Variants in PSME4 observed in about 807,000 individuals in gnomAD.
PSME4 encodes proteasome activator complex subunit 4.
Under a neutral mutation model 253.9 loss-of-function variants are expected in PSME4, and 89 were observed. The ratio of observed to expected loss-of-function variants is 0.35; its 90% CI spans 0.30 to 0.42. The LOEUF is 0.42. Ranked by LOEUF, PSME4 falls within the 10% of genes least tolerant of loss-of-function variation. PSME4 has a pLI of 1.00. For missense variants in PSME4, 2,014 were observed against 2,195.2 expected (o/e 0.92, Z 1.65); for synonymous variants, 851 against 759.2 (o/e 1.12, Z -1.99).
intron 46 of PSME4, 130 bp from the exon 47 acceptor site, chr2:53,865,703 T>C (rs1678532715): frequency 6.0e-6 from 1 of 167,770 alleles, no homozygotes; most frequent in Non-Finnish European, 1.3e-5. Flanking sequence ...ACAGAATGGG[T>C]GTAAGAATCC....
intron 20 of PSME4, among the ~76,000 whole-genome samples, chr2:53,911,445 T>C (rs1235971278): frequency 6.6e-6 from 1 of 152,226 alleles, no homozygotes; most frequent in African/African-American, 2.4e-5. Flanking sequence ...ATCAAAAATA[T>C]GTATGTATCC....
chr2:53,910,643 G>A (rs1225095845), intron 20 of PSME4, among the ~76,000 whole-genome samples: 1 of 152,114 alleles, frequency 6.6e-6, no homozygotes, highest in African/African-American at 2.4e-5. Flanking sequence ...AAAGAATTAT[G>A]ATACCACAAC....
intron 15 of PSME4, 92 bp downstream of exon 15, chr2:53,923,229 C>T: frequency 6.8e-7 from 1 of 1,460,698 alleles, no homozygotes; most frequent in Non-Finnish European, 9.3e-7. Context: ...AAGAACTATG[C>T]ATTTTAAGCA....
intron 4 of PSME4, among the ~76,000 whole-genome samples, chr2:53,939,166 G>C (rs753649226): frequency 6.6e-6 from 1 of 152,066 alleles, no homozygotes; most frequent in Non-Finnish European, 1.5e-5. Context: ...AAATACATTT[G>C]CCCAACATTG....
intron 39 of PSME4, 76 bp from the exon 40 acceptor site, chr2:53,887,543 A>C: frequency 7.6e-7 from 1 of 1,310,224 alleles, no homozygotes; most frequent in East Asian, 2.5e-5. Flanking sequence ...GTTATGACCC[A>C]ATCAAAGTAA....
At chr2:53,943,562 C>T (rs1274023382) in intron 3 of PSME4, among the ~76,000 whole-genome samples, 2 of 152,046 alleles carry the variant, frequency 1.3e-5, no homozygotes, top group Non-Finnish European at 2.9e-5. Flanking sequence ...ATAAATACGC[C>T]AGGTGCAGTG....
Position 53,920,937 on chromosome 2 carries a change from A to T in PSME4, c.2214T>A (p.Ser738Arg), listed in dbSNP as rs1340971872. The change falls in exon 18 of 47, where the codon AGT becomes AGA. Residue 738 changes from serine to arginine, a missense_variant. Transcript: ENST00000404125. ...GAGGCTTGTCAAAGCCACCTGGCAC[A>T]CTGCAGTATTCTGTAGGGTAGATAA... ...TTLIYPTEYC[S>R]VPGGFDKPPS... The T allele has an allele frequency of 6.2e-7, 1 of 1,613,774 alleles. No individual in the cohort carries two copies. The highest frequency in any genetic ancestry group is 8.5e-7 in the Non-Finnish European group (1 of 1,179,668).
chr2:53,890,920 G>A (rs187105060), intron 36 of PSME4, among the ~76,000 whole-genome samples: 5 of 152,178 alleles, frequency 3.3e-5, no homozygotes, highest in East Asian at 1.9e-4. Flanking sequence ...CCAACTACTC[G>A]GGAGGCTGAG....
At chr2:53,889,556 T>G (rs544802158) in intron 37 of PSME4, among the ~76,000 whole-genome samples, 5 of 152,254 alleles carry the variant, frequency 3.3e-5, no homozygotes, top group African/African-American at 1.2e-4. Context: ...GAGGGCTGAC[T>G]GTACAGGAGA....
intron 41 of PSME4, among the ~76,000 whole-genome samples, chr2:53,882,906 A>G (rs1000967161): frequency 5.5e-5 from 8 of 145,484 alleles, no homozygotes; most frequent in African/African-American, 2.0e-4. Context: ...AATACAAAAA[A>G]AAATAAATAA....
At chr2:53,925,077 T>C (rs1275200474) in intron 14 of PSME4, among the ~76,000 whole-genome samples, 1 of 152,222 alleles carries the variant, frequency 6.6e-6, no homozygotes, top group Non-Finnish European at 1.5e-5. Flanking sequence ...CACAACTCTC[T>C]TATGCTTAGG....
Position 53,893,805 on chromosome 2 carries a change from A to C in PSME4, c.3913-6T>G, listed in dbSNP as rs779687453. 7.8e-5 allele frequency: 123 copies of C among 1,580,964 alleles called. No individual in the cohort carries two copies. Among genetic ancestry groups the C allele is most frequent in the Non-Finnish European group, 1.0e-4 (121 of 1,169,242 alleles). ...TCAAATATAATCTGTTCTGCCTATA[A>C]AGTTAAAAAAAGAACAATATTCAGC... is the stretch of plus-strand genomic sequence containing the variant. On this transcript the variant is annotated splice_region_variant and splice_polypyrimidine_tract_variant and intron_variant, in intron 34 of 46. Coordinates refer to ENST00000404125, the MANE Select transcript of PSME4 (RefSeq NM_014614.3).
At chr2:53,867,348 T>A (rs1272401710) in intron 44 of PSME4, among the ~76,000 whole-genome samples, 1 of 151,630 alleles carries the variant, frequency 6.6e-6, no homozygotes, top group Admixed American at 6.6e-5. Context: ...CTGCTAAAAA[T>A]ACAAAAATTA....
At chr2:53,865,969 C>A in intron 46 of PSME4, 116 bp downstream of exon 46, 1 of 1,104,848 alleles carries the variant, frequency 9.1e-7, no homozygotes, top group Non-Finnish European at 1.2e-6. Flanking sequence ...ACAATCCCCG[C>A]CATCCAACTT....
intron 31 of PSME4, 143 bp from the exon 32 acceptor site, chr2:53,897,028 G>T (rs1323727699): frequency 4.6e-6 from 3 of 648,272 alleles, no homozygotes; most frequent in Non-Finnish European, 8.2e-6. Flanking sequence ...ATCCATGTGA[G>T]TGCTAAATCT....
rs752299461 is a variant in PSME4, at chr2:53,866,079, A to C, written c.*4+6T>G. ...CCAATGTAAATTCAGAACTTTGCTG[A>C]CTTACCTTTCTATGCATAATAGCAT... On this transcript the variant is annotated splice_donor_region_variant and intron_variant, in intron 46 of 46. Coordinates refer to ENST00000404125, the MANE Select transcript of PSME4 (RefSeq NM_014614.3). 6.2e-7 allele frequency: 1 copy of C among 1,604,440 alleles called. No individual in the cohort carries two copies. The highest frequency in any genetic ancestry group is 1.7e-5 in the Admixed American group (1 of 58,894).
At position 53,869,500 on chromosome 2, in the gene PSME4, T is replaced by C. The variant is rs1451122998; in HGVS notation, c.5139A>G (p.Leu1713=). ...TGTCCATGGTAAGAAAGTTACACTG[T>C]AGCAGACCGCTTAAGGTAGTAGCAG... The part of the protein sequence containing the change: ...EMAATTLSGL[L]QCNFLTMDSP... The change falls in exon 44 of 47, where the codon CTA becomes CTG. Residue 1713 remains leucine, a synonymous_variant. Coordinates refer to ENST00000404125, the MANE Select transcript of PSME4 (RefSeq NM_014614.3). 4 of 1,567,006 alleles carry C rather than the reference T, an allele frequency of 2.6e-6. No individual in the cohort carries two copies. The East Asian group carries it at 6.8e-5, about 26-fold the overall frequency.
intron 36 of PSME4, among the ~76,000 whole-genome samples, chr2:53,892,052 T>C (rs1056544034): frequency 2.0e-5 from 3 of 152,154 alleles, no homozygotes; most frequent in Non-Finnish European, 2.9e-5. Flanking sequence ...CATATAGGGA[T>C]AGGAATTATG....
chr2:53,967,556 C>A, intron 1 of PSME4, among the ~76,000 whole-genome samples: 1 of 138,814 alleles, frequency 7.2e-6, no homozygotes, highest in East Asian at 2.2e-4. Flanking sequence ...GCAGGAGAAT[C>A]GTTTGAACCA....
Sources: allele counts gnomAD v4.1 joint callset (sites outside exome capture counted in the v4.1 genomes callset), GRCh38; gene constraint gnomAD v4.1.1; transcripts MANE v1.5; gene names NCBI Gene and HGNC (gene_info 2026-07-23, HGNC 2026-07-21).